Variants in DYNC2I1 observed in about 807,000 individuals in gnomAD.
DYNC2I1 encodes the protein cytoplasmic dynein 2 intermediate chain 1.
DYNC2I1 carries 89 observed loss-of-function variants against 133.4 expected under a neutral mutation model. The ratio of observed to expected loss-of-function variants is 0.67; its 90% CI spans 0.56 to 0.80. The LOEUF is 0.80. Among genes scored for constraint, DYNC2I1 ranks in the 30% least tolerant of loss-of-function variants. DYNC2I1 has a pLI of 0.00. For synonymous variants in DYNC2I1, 504 were observed against 484.3 expected (o/e 1.04, Z -0.54); for missense variants, 1,291 against 1,314.5 (o/e 0.98, Z 0.28).
At chr7:158,948,487 C>T (rs746586650), downstream of DYNC2I1, among the ~76,000 whole-genome samples, 6 of 152,202 alleles carry the variant, frequency 3.9e-5, no homozygotes, top group Admixed American at 1.3e-4. Flanking sequence ...GAGGATACCC[C>T]GCTTGCTGTG....
chr7:158,873,796 GCCCA>G (rs971752227), intron 3 of DYNC2I1, among the ~76,000 whole-genome samples: 1 of 152,048 alleles, frequency 6.6e-6, no homozygotes, highest in African/African-American at 2.4e-5. Context: ...TCACTCTGTT[GCCCA>G]GGCTGGAGTG....
intron 11 of DYNC2I1, among the ~76,000 whole-genome samples, chr7:158,908,932 A>C (rs766182322): frequency 1.3e-5 from 2 of 152,166 alleles, no homozygotes; most frequent in African/African-American, 2.4e-5. Context: ...AACAGAAAAA[A>C]ATTAGGCTGT....
intron 21 of DYNC2I1, among the ~76,000 whole-genome samples, chr7:158,933,430 T>C (rs1850426053): frequency 6.6e-6 from 1 of 152,008 alleles, no homozygotes; most frequent in Non-Finnish European, 1.5e-5. Context: ...AGGCGACGCA[T>C]TGGGTTTGCC....
At chr7:158,856,502 C>T (rs1017249390), upstream of DYNC2I1, 26 of 399,314 alleles carry the variant, frequency 6.5e-5, no homozygotes, top group Non-Finnish European at 1.7e-5. Flanking sequence ...ACCACTCGGC[C>T]TTCCCCTGCT....
Position 158,884,577 on chromosome 7 carries a change from G to T in DYNC2I1, c.893G>T (p.Arg298Ile). 2 of 1,612,368 alleles carry T rather than the reference G, an allele frequency of 1.2e-6. No homozygotes were observed. The highest frequency in any genetic ancestry group is 1.3e-5 in the African/African-American group (1 of 74,998). ...RKRESQNGEH[R>I]NRGASSKRDG... ...TTTGTTTGATAGAATGGTGAACACA[G>T]AAATCGAGGTGCAAGCTCAAAAAGA... The change falls in exon 6 of 25, where the codon AGA (arginine) becomes ATA (isoleucine). Residue 298 changes from arginine (R) to isoleucine (I), a missense_variant. Arg to Ile is a moderately conservative substitution (Grantham distance 97). Transcript: ENST00000407559.
chr7:158,907,273 CTTTTTTTTT>C (rs36062364), intron 11 of DYNC2I1, among the ~76,000 whole-genome samples: 12 of 99,746 alleles, frequency 1.2e-4, no homozygotes, highest in East Asian at 3.1e-4. Flanking sequence ...CCATGGCCTT[CTTTTTTTTT>C]TTTTTTTTTT....
At chr7:158,906,441 GA>G (rs1846823361) in intron 11 of DYNC2I1, among the ~76,000 whole-genome samples, 1 of 151,908 alleles carries the variant, frequency 6.6e-6, no homozygotes, top group Non-Finnish European at 1.5e-5. Flanking sequence ...AGGAGTAAAT[GA>G]AAAAAATAAA....
the DYNC2I1 span, among the ~76,000 whole-genome samples, chr7:158,839,956 C>G: frequency 1.5e-4 from 23 of 151,878 alleles, no homozygotes; most frequent in African/African-American, 5.6e-4. Context: ...GAACTACAGG[C>G]ACATCTCACC....
chr7:158,909,265 A>T (rs951072038), intron 11 of DYNC2I1, among the ~76,000 whole-genome samples: 3 of 130,912 alleles, frequency 2.3e-5, no homozygotes, highest in African/African-American at 8.8e-5. Context: ...TGGGAGGTGG[A>T]GGTTGCAGCG....
At chr7:158,905,903 G>T in intron 10 of DYNC2I1, 86 bp from the exon 11 acceptor site, 1 of 943,976 alleles carries the variant, frequency 1.1e-6, no homozygotes. Flanking sequence ...TGTTATATAT[G>T]CCTATAATTG....
At chr7:158,915,048 A>G (rs2527215) in intron 14 of DYNC2I1, among the ~76,000 whole-genome samples, 15,509 of 150,668 alleles carry the variant, frequency 0.1, 987 homozygotes, top group South Asian at 0.22. Context: ...GTGAAACCTC[A>G]ACACGCTAGT....
At chr7:158,843,883 G>A in the DYNC2I1 span, among the ~76,000 whole-genome samples, 8 of 152,026 alleles carry the variant, frequency 5.3e-5, no homozygotes, top group Non-Finnish European at 1.0e-4. Flanking sequence ...ATTTAAAGGG[G>A]AATGTGCAAG....
At chr7:158,943,040 A>C (rs943839128) in intron 24 of DYNC2I1, among the ~76,000 whole-genome samples, 1 of 152,128 alleles carries the variant, frequency 6.6e-6, no homozygotes, top group Admixed American at 6.5e-5. Context: ...AAATTCTCCT[A>C]CTGTGAGGGT....
chr7:158,859,817 A>G (rs918222786), intron 1 of DYNC2I1, among the ~76,000 whole-genome samples: 1 of 152,276 alleles, frequency 6.6e-6, no homozygotes, highest in African/African-American at 2.4e-5. Flanking sequence ...AGCAAAAGCA[A>G]CAGATCTCAG....
chr7:158,866,039 C>T (rs1283036200), intron 1 of DYNC2I1, among the ~76,000 whole-genome samples: 2 of 152,178 alleles, frequency 1.3e-5, no homozygotes, highest in African/African-American at 4.8e-5. Flanking sequence ...AAGAAAAATC[C>T]TGTGATCTCT....
intron 1 of DYNC2I1, among the ~76,000 whole-genome samples, chr7:158,865,014 T>C (rs1842276926): frequency 6.6e-6 from 1 of 152,170 alleles, no homozygotes; most frequent in Non-Finnish European, 1.5e-5. Flanking sequence ...GCAGGAACAA[T>C]GAGCGTCAGG....
downstream of DYNC2I1, among the ~76,000 whole-genome samples, chr7:158,949,650 C>T (rs1007774224): frequency 1.4e-5 from 2 of 144,420 alleles, no homozygotes; most frequent in South Asian, 2.2e-4. Flanking sequence ...GCAGGCGGCG[C>T]GGCTTCAGGG....
At position 158,922,381 on chromosome 7, in the gene DYNC2I1, A is replaced by T; in HGVS notation, c.1926A>T (p.Arg642=). The T allele has an allele frequency of 6.2e-7, 1 of 1,612,800 alleles. No individual in the cohort carries two copies. The highest frequency in any genetic ancestry group is 8.5e-7 in the Non-Finnish European group (1 of 1,179,500). Residue 642 remains arginine (R), a synonymous_variant, in exon 16 of 25, where the codon CGA becomes CGT. Coordinates refer to ENST00000407559, the MANE Select transcript of DYNC2I1 (RefSeq NM_018051.5). ...LNTSLPFLQN[R]KVSSLHTSRV... ...ACATATTTTTCTTCTCCCTAGATCG[A>T]AAAGTATCCTCCTTGCACACCTCCC...
upstream of DYNC2I1, among the ~76,000 whole-genome samples, chr7:158,855,039 C>T (rs1408906136): frequency 2.6e-5 from 4 of 152,216 alleles, no homozygotes; most frequent in African/African-American, 9.7e-5. Context: ...TTGGGCGACT[C>T]GGCTTGCAAC....
Sources: allele counts gnomAD v4.1 joint callset (sites outside exome capture counted in the v4.1 genomes callset), GRCh38; gene constraint gnomAD v4.1.1; transcripts MANE v1.5; gene names NCBI Gene and HGNC (gene_info 2026-07-23, HGNC 2026-07-21).